The following MUC4 variants were observed in gnomAD, a reference collection of about 807,000 sequenced individuals.
MUC4 encodes the protein mucin-4.
Under a neutral mutation model 257.9 loss-of-function variants are expected in MUC4, and 202 were observed. The observed-to-expected ratio is 0.78, with a 90% CI of 0.70 to 0.88. The LOEUF is 0.88. Among genes scored for constraint, MUC4 ranks in the 40% least tolerant of loss-of-function variants. The pLI is 0.00. For missense variants in MUC4, 5,976 were observed against 6,513.7 expected, an observed-to-expected ratio of 0.92 and a Z score of 2.84; for synonymous variants, 2,351 against 2,757.1, an observed-to-expected ratio of 0.85 and a Z score of 4.62.
At position 195,779,088 on chromosome 3, in the gene MUC4, G is replaced by T. The variant is rs1411433818; in HGVS notation, c.12492C>A (p.Thr4164=). 3 of 1,458,246 alleles carry T rather than the reference G, an allele frequency of 2.1e-6. 1 individual carries two copies. Among genetic ancestry groups the T allele is most frequent in the Non-Finnish European group, 9.2e-7 (1 of 1,090,480 alleles). The allele number at this position is 1,458,246 out of a possible 1,614,324, so 90.3% of individuals were successfully genotyped here. A position where few individuals can be genotyped will look rare whatever the true frequency, so the allele number is the denominator to read the frequency against. ...GACCTGTGGACACTGAGGAAGCGTC[G>T]GTGACAGGAAGAGAGGTGGTGTGAC... ...SSGHTTSLPV[T]DASSVSTGHG... is the part of the protein sequence containing the mutation. The change falls in exon 2 of 25, where the codon ACC becomes ACA. Residue 4164 remains threonine (T), a synonymous_variant. Coordinates refer to ENST00000463781, the MANE Select transcript of MUC4 (RefSeq NM_018406.7).
In MUC4 at chr3:195,780,496, G is replaced by T. The variant is rs1438012385; in HGVS notation, c.11084C>A (p.Thr3695Asn). Residue 3695 changes from threonine (T) to asparagine (N), a missense_variant, in exon 2 of 25, where the codon ACC (threonine) becomes AAC (asparagine). Coordinates refer to ENST00000463781, the MANE Select transcript of MUC4 (RefSeq NM_018406.7). The stretch of plus-strand genomic sequence containing the variant: ...GGAAGGGATGGTGACAGGAAGAGGG[G>T]TGGCCTGACCTGTGGATGCTGAGGA... ...DTSSASTGQA[T>N]PLPVTIPSSS... 5 of 1,159,992 alleles carry T rather than the reference G, an allele frequency of 4.3e-6. No homozygotes were observed. Among genetic ancestry groups the T allele is most frequent in the African/African-American group, 2.5e-5 (1 of 40,286 alleles). The allele number at this position is 1,159,992 out of a possible 1,614,324, so 71.9% of individuals were successfully genotyped here.
At position 195,789,983 on chromosome 3, in the gene MUC4, G is replaced by A. The variant is rs1382173397; in HGVS notation, c.1597C>T (p.Pro533Ser). The A allele has an allele frequency of 6.2e-7, 1 of 1,613,952 alleles. No individual in the cohort carries two copies. Among genetic ancestry groups the A allele is most frequent in the Non-Finnish European group, 8.5e-7 (1 of 1,179,872 alleles). Residue 533 changes from proline (P) to serine (S), a missense_variant, in exon 2 of 25, where the codon CCC becomes TCC. By Grantham distance (74) the Pro-to-Ser change is moderately conservative. Around this residue, in one of 44 missense-constraint regions of MUC4, gnomAD observed 1,583 missense variants for 1,257.4 expected, o/e 1.26. Coordinates refer to ENST00000463781, the MANE Select transcript of MUC4 (RefSeq NM_018406.7). ...TGTAGTIPRV[P>S]SKVSAIGEPG... ...TCCCCTATTGCTGAGACCTTAGAGG[G>A]GACCCTTGGAATAGTGCCAGCTGTC...
chr3:195,760,603 T>TG (rs1718655757), intron 16 of MUC4, among the ~76,000 whole-genome samples: 2 of 18,110 alleles, frequency 1.1e-4, no homozygotes, highest in Non-Finnish European at 1.5e-4. Flanking sequence ...TAGTATGGAG[T>TG]GAAGGGGGCT....
rs565685292 is a variant in MUC4, at chr3:195,747,383, G to C, written c.16035-3C>G. ...TGTAGATGGAGAAGGACACACAGCT[G>C]GTGACCAAGAGAGACAGACAGGCGG... is the stretch of plus-strand genomic sequence containing the variant. On this transcript the variant is annotated splice_region_variant and splice_polypyrimidine_tract_variant and intron_variant, in intron 24 of 24. Coordinates refer to ENST00000463781, the MANE Select transcript of MUC4 (RefSeq NM_018406.7). The C allele has an allele frequency of 1.9e-6, 3 of 1,613,252 alleles. No individual in the cohort carries two copies. The highest frequency in any genetic ancestry group is 2.5e-6 in the Non-Finnish European group (3 of 1,179,540).
intron 21 of MUC4, 156 bp downstream of exon 21, chr3:195,752,216 TA>T: frequency 1.5e-6 from 1 of 687,168 alleles, no homozygotes; most frequent in Non-Finnish European, 2.5e-6. Context: ...CCTCACTTCC[TA>T]ATGCCCTGCA....
rs1423532923 is a variant in MUC4 at position 195,777,690 on chromosome 3, C to T, written c.12943+613G>A. 1.5e-3 allele frequency among the ~76,000 whole-genome samples: 35 copies of T among 24,054 alleles called. 1 individual carries two copies. The highest frequency in any genetic ancestry group is 4.7e-3 in the East Asian group (2 of 428). The allele number at this position is 24,054 out of a possible 152,430, so 15.8% of individuals were successfully genotyped here. On this transcript the variant is annotated intron_variant, in intron 3 of 24. Coordinates refer to ENST00000463781, the MANE Select transcript of MUC4 (RefSeq NM_018406.7). ...CCTTCCACACCCATACCTTCCACAT[C>T]CATACCTTCCACACCCATACCTTCC...
rs953317572 is a variant in MUC4 at position 195,780,391 on chromosome 3, T to C, written c.11189A>G (p.His3730Arg). 5.7e-6 allele frequency: 4 copies of C among 697,220 alleles called. 1 individual carries two copies. The Admixed American group carries it at 1.2e-4, about 21-fold the overall frequency. The allele number at this position is 697,220 out of a possible 1,614,324, so 43.2% of individuals were successfully genotyped here. The change falls in exon 2 of 25, where the codon CAT becomes CGT. Residue 3730 changes from histidine to arginine, a missense_variant. Physicochemically the swap from His to Arg is conservative, Grantham distance 29. Transcript: ENST00000463781. ...SVSTGHVTPL[H>R]VTSPSSASTG... is the part of the protein sequence containing the mutation. ...GGATGCTGAGGAAGGGCTGGTGACA[T>C]GAAGAGGGGTGACGTGACCTGTAGA... is the stretch of plus-strand genomic sequence containing the variant.
At position 195,784,634 on chromosome 3, in the gene MUC4, C is replaced by A. The variant is rs1578334179; in HGVS notation, c.6946G>T (p.Gly2316Cys). Residue 2316 changes from glycine to cysteine, a missense_variant, in exon 2 of 25, where the codon GGT becomes TGT. This residue lies in a region of MUC4 where 62 missense variants were observed against 74.0 expected (regional missense o/e 0.84). Coordinates refer to ENST00000463781, the MANE Select transcript of MUC4 (RefSeq NM_018406.7). ...GTGACAGGAAGAGGGGTGGCGTGAC[C>A]TGTGGATGCTGAGGAAGCGTCGGTG... ...HVTDASSAST[G>C]HATPLPVTSL... is the part of the protein sequence containing the mutation. 1 of 1,392,610 alleles carries A rather than the reference C, an allele frequency of 7.2e-7. No individual in the cohort carries two copies. Among genetic ancestry groups the A allele is most frequent in the Admixed American group, 2.2e-5 (1 of 46,254 alleles). 86.3% of individuals were successfully genotyped at this position (1,392,610 alleles called of 1,614,324 possible).
intron 5 of MUC4, 150 bp downstream of exon 5, chr3:195,771,502 T>C (rs1184031222): frequency 1.1e-6 from 1 of 938,562 alleles, no homozygotes; most frequent in East Asian, 2.6e-5. Flanking sequence ...TAATGTCCCT[T>C]GACTGCTTCC....
Position 195,779,263 on chromosome 3 carries a change from G to A in MUC4, c.12317C>T (p.Ser4106Phe), listed in dbSNP as rs1376599467. The A allele has an allele frequency of 7.2e-7, 1 of 1,386,154 alleles. No individual in the cohort carries two copies. The highest frequency in any genetic ancestry group is 9.6e-7 in the Non-Finnish European group (1 of 1,040,566). The allele number at this position is 1,386,154 out of a possible 1,614,324, so 85.9% of individuals were successfully genotyped here. The part of the protein sequence containing the change: ...PLPLTSLSSV[S>F]TGDTTPLPVT... ...AGGAAGAGGCGTGGTGTCACCTGTGGATACTGAGGAAAGGCTGGTGAGAGG... is the reference window on the plus strand; with the variant it reads ...AGGAAGAGGCGTGGTGTCACCTGTGAATACTGAGGAAAGGCTGGTGAGAGG... Residue 4106 changes from serine (S) to phenylalanine (F), a missense_variant, in exon 2 of 25, where the codon TCC (serine) becomes TTC (phenylalanine). This residue lies in a region of MUC4 where 293 missense variants were observed against 294.5 expected (regional missense o/e 1.00). Coordinates refer to ENST00000463781, the MANE Select transcript of MUC4 (RefSeq NM_018406.7).
Position 195,769,055 on chromosome 3 carries a change from C to T in MUC4, c.13496G>A (p.Arg4499His), listed in dbSNP as rs576812500. The change falls in exon 7 of 25, where the codon CGC becomes CAC. Residue 4499 changes from arginine to histidine, a missense_variant. This residue lies in a region of MUC4 where 996 missense variants were observed against 1,137.3 expected (regional missense o/e 0.88). Coordinates refer to ENST00000463781, the MANE Select transcript of MUC4 (RefSeq NM_018406.7). ...GCCCATGAGCACCGGGTTGCCTGAG[C>T]GCTGGGCCACGTCCCACTGCATCCC... ...SGGMQWDVAQ[R>H]SGNPVLMGFS... 20 of 1,613,852 alleles carry T rather than the reference C, an allele frequency of 1.2e-5. No homozygotes were observed. Among genetic ancestry groups the T allele is most frequent in the African/African-American group, 1.1e-4 (8 of 74,932 alleles).
chr3:195,778,434 T>A lies in MUC4; in HGVS notation c.12812A>T (p.Lys4271Met). 2 of 1,612,864 alleles carry A rather than the reference T, an allele frequency of 1.2e-6. No homozygotes were observed. The highest frequency in any genetic ancestry group is 1.7e-6 in the Non-Finnish European group (2 of 1,179,788). ...ETPGMTTPSL[K>M]TDGGRRTATS... Reference sequence around the variant, plus strand: ...GGCTGTGCGTCTCCCACCGTCTGTCTTCAGTGACGGTGTTGTCATTCCTGG... The same window carrying A: ...GGCTGTGCGTCTCCCACCGTCTGTCATCAGTGACGGTGTTGTCATTCCTGG... Residue 4271 changes from lysine (K) to methionine (M), a missense_variant, in exon 3 of 25, where the codon AAG becomes ATG. Transcript: ENST00000463781.
In MUC4 at chr3:195,779,567, T is replaced by C. The variant is rs1223954324; in HGVS notation, c.12013A>G (p.Ser4005Gly). The change falls in exon 2 of 25, where the codon AGC becomes GGC. Residue 4005 changes from serine (S) to glycine (G), a missense_variant. Around this residue, in one of 44 missense-constraint regions of MUC4, gnomAD observed 293 missense variants for 294.5 expected, o/e 1.00. Coordinates refer to ENST00000463781, the MANE Select transcript of MUC4 (RefSeq NM_018406.7). Reference protein sequence around the residue: ...TGHATPLPVTSTSSVSTGHAT... With the variant: ...TGHATPLPVTGTSSVSTGHAT... ...TGACCTGTAGATACTGAGGAAGTGC[T>C]GGTGACAGGAAGAGGGGTGGCGTGA... 2.3e-4 allele frequency: 306 copies of C among 1,305,066 alleles called. 15 individuals carry two copies. In the African/African-American group the frequency reaches 4.7e-3, roughly 20 times the overall value. The allele number at this position is 1,305,066 out of a possible 1,614,324, so 80.8% of individuals were successfully genotyped here.
chr3:195,778,279 C>G, intron 3 of MUC4, 24 bp downstream of exon 3: 1 of 1,571,512 alleles, frequency 6.4e-7, no homozygotes, highest in Non-Finnish European at 8.6e-7. Flanking sequence ...TCAAAAGGCA[C>G]AGGCCTCACC....
chr3:195,804,379 A>G (rs1172319461), intron 1 of MUC4, among the ~76,000 whole-genome samples: 1 of 152,198 alleles, frequency 6.6e-6, no homozygotes, highest in East Asian at 1.9e-4. Context: ...TGCCGAGGTG[A>G]CAGGTGTGCT....
Position 195,763,428 on chromosome 3 carries a change from C to G in MUC4, c.14253+5G>C. On this transcript the variant is annotated splice_donor_5th_base_variant and intron_variant, in intron 12 of 24. Coordinates refer to ENST00000463781, the MANE Select transcript of MUC4 (RefSeq NM_018406.7). ...GCAGGGAGGTTCCCGGCACCCCTCACTCACCGTGACGGGGCCCAGGCTGCT... is the reference window on the plus strand; with the variant it reads ...GCAGGGAGGTTCCCGGCACCCCTCAGTCACCGTGACGGGGCCCAGGCTGCT... 1 of 1,406,440 alleles carries G rather than the reference C, an allele frequency of 7.1e-7. No individual in the cohort carries two copies. The highest frequency in any genetic ancestry group is 9.3e-7 in the Non-Finnish European group (1 of 1,076,520). The allele number at this position is 1,406,440 out of a possible 1,614,324, so 87.1% of individuals were successfully genotyped here.
At position 195,756,388 on chromosome 3, in the gene MUC4, C is replaced by T. The variant is rs562541462; in HGVS notation, c.15168+759G>A. Among the ~76,000 whole-genome samples, 6 of 152,322 alleles carry T rather than the reference C, an allele frequency of 3.9e-5. No homozygotes were observed. In the South Asian group the frequency reaches 1.0e-3, roughly 26 times the overall value. On this transcript the variant is annotated intron_variant, in intron 18 of 24. Transcript: ENST00000463781. ...CGCAGGGCCCTCTGCTGGGCTTCGCCGCAGAGCTGTGGGGCGCTGTGAGAA... is the reference window on the plus strand; with the variant it reads ...CGCAGGGCCCTCTGCTGGGCTTCGCTGCAGAGCTGTGGGGCGCTGTGAGAA...
Position 195,791,310 on chromosome 3 carries a change from G to C in MUC4, c.270C>G (p.Thr90=), listed in dbSNP as rs756592872. 1 of 1,613,882 alleles carries C rather than the reference G, an allele frequency of 6.2e-7. No homozygotes were observed. The change falls in exon 2 of 25, where the codon ACC becomes ACG. Residue 90 remains threonine (T), a synonymous_variant. Coordinates refer to ENST00000463781, the MANE Select transcript of MUC4 (RefSeq NM_018406.7). ...KSTETTSKAQ[T]DTLTQMMTST... Reference sequence around the variant, plus strand: ...ATGTCATCATCTGCGTGAGGGTGTCGGTTTGAGCTTTGCTGGTGGTCTCCG... The same window carrying C: ...ATGTCATCATCTGCGTGAGGGTGTCCGTTTGAGCTTTGCTGGTGGTCTCCG...
At chr3:195,751,328 G>A (rs1044737050) in intron 21 of MUC4, 57 bp from the exon 22 acceptor site, 42 of 1,314,014 alleles carry the variant, frequency 3.2e-5, no homozygotes, top group South Asian at 2.3e-4. Context: ...GGGGGGAGAC[G>A]CCCTCCCACC....
Sources: allele counts gnomAD v4.1 joint callset (sites outside exome capture counted in the v4.1 genomes callset), GRCh38; gene constraint gnomAD v4.1.1; regional missense constraint gnomAD v4.1.1; transcripts MANE v1.5; gene names NCBI Gene and HGNC (gene_info 2026-07-23, HGNC 2026-07-21).